Variants in IL1RAPL2 observed in about 807,000 individuals in gnomAD.
The protein encoded by IL1RAPL2 is X-linked interleukin-1 receptor accessory protein-like 2.
IL1RAPL2 carries 3 observed loss-of-function variants against 44.1 expected under a neutral mutation model. The observed-to-expected ratio is 0.07, with a 90% CI of 0.03 to 0.18. The LOEUF (loss-of-function observed/expected upper bound fraction) is 0.18, where lower values mean the gene tolerates loss of function less well. Among genes scored for constraint, IL1RAPL2 ranks in the 10% least tolerant of loss-of-function variants. The pLI is 1.00. For missense variants in IL1RAPL2, 391 were observed against 496.4 expected (o/e 0.79, Z 2.02); for synonymous variants, 181 against 178.8 (o/e 1.01, Z -0.10).
At chrX:105,596,678 GCATAACTA>G (rs2037212885) in intron 6 of IL1RAPL2, among the ~76,000 whole-genome samples, 1 of 111,621 alleles carries the variant, frequency 9.0e-6, no homozygotes, top group Admixed American at 9.6e-5. Flanking sequence ...GGTTCATTTG[GCATAACTA>G]CATAACTAAT....
chrX:105,639,254 T>C (rs2037546999), intron 6 of IL1RAPL2, among the ~76,000 whole-genome samples: 1 of 111,776 alleles, frequency 8.9e-6, no homozygotes, highest in Non-Finnish European at 1.9e-5. Context: ...ATTTATTTCT[T>C]AAATTGATCT....
intron 2 of IL1RAPL2, among the ~76,000 whole-genome samples, chrX:104,834,468 C>T: frequency 9.0e-6 from 1 of 111,399 alleles, no homozygotes; most frequent in African/African-American, 3.3e-5. Context: ...ATTCCCTGAA[C>T]ACCCACTACA....
chrX:104,861,158 A>T (rs1209758123), intron 2 of IL1RAPL2, among the ~76,000 whole-genome samples: 1 of 112,065 alleles, frequency 8.9e-6, no homozygotes, highest in Non-Finnish European at 1.9e-5. Context: ...CAGCATTCTG[A>T]CTGGAAAAGG....
chrX:104,873,919 T>C (rs1295104978), intron 2 of IL1RAPL2, among the ~76,000 whole-genome samples: 1 of 111,342 alleles, frequency 9.0e-6, no homozygotes, highest in African/African-American at 3.3e-5. Context: ...CTCTTAGCAA[T>C]TCTTCATTGA....
chrX:105,570,287 G>A (rs1160912558), intron 6 of IL1RAPL2, among the ~76,000 whole-genome samples: 2 of 111,911 alleles, frequency 1.8e-5, no homozygotes, highest in African/African-American at 6.5e-5. Context: ...GGCTGCAAAG[G>A]CCATTATTTT....
chrX:104,687,041 AG>A (rs749720219), intron 2 of IL1RAPL2, among the ~76,000 whole-genome samples: 9 of 112,146 alleles, frequency 8.0e-5, no homozygotes, highest in Non-Finnish European at 1.7e-4. Flanking sequence ...GGTCAAAAAA[AG>A]CTCTAGAGCA....
At chrX:104,765,446 T>C (rs1405753361) in intron 2 of IL1RAPL2, among the ~76,000 whole-genome samples, 1 of 112,171 alleles carries the variant, frequency 8.9e-6, no homozygotes, top group Non-Finnish European at 1.9e-5. Flanking sequence ...TTCTAAAATG[T>C]TCCACTTTGT....
chrX:105,754,743 G>A (rs919142863), intron 9 of IL1RAPL2, among the ~76,000 whole-genome samples: 1 of 112,126 alleles, frequency 8.9e-6, no homozygotes, highest in African/African-American at 3.2e-5. Flanking sequence ...ACACTCTAGG[G>A]CCCAGCCCCT....
chrX:105,674,600 A>T, intron 6 of IL1RAPL2, among the ~76,000 whole-genome samples: 1 of 111,983 alleles, frequency 8.9e-6, no homozygotes, highest in Admixed American at 9.5e-5. Flanking sequence ...TGGTAGCATG[A>T]TGCCTCCAGC....
At chrX:104,798,205 T>C (rs1197676491) in intron 2 of IL1RAPL2, among the ~76,000 whole-genome samples, 2 of 111,685 alleles carry the variant, frequency 1.8e-5, no homozygotes, top group Non-Finnish European at 3.8e-5. Flanking sequence ...ATGTATCAGC[T>C]AAGACTCTAA....
rs372109579 is a variant in IL1RAPL2 at position 104,664,344 on chromosome X, G to A, written c.82+5349G>A. 7.2e-5 allele frequency among the ~76,000 whole-genome samples: 8 copies of A among 110,775 alleles called. No individual in the cohort carries two copies. In the East Asian group the frequency reaches 1.7e-3, roughly 24 times the overall value. ...CTGGGAAGCTCTCTCCTTTTACTGG[G>A]AGTTCCAGCCATTTTAAATGCCTTG... is the stretch of plus-strand genomic sequence containing the variant. On this transcript the variant is annotated intron_variant, in intron 2 of 10. Transcript: ENST00000372582.
At chrX:104,846,667 G>C (rs1922061689) in intron 2 of IL1RAPL2, among the ~76,000 whole-genome samples, 1 of 111,985 alleles carries the variant, frequency 8.9e-6, no homozygotes, top group Admixed American at 9.5e-5. Context: ...ACGTGTGCAT[G>C]TGTCTTTATA....
chrX:105,179,062 C>A (rs899694963), intron 2 of IL1RAPL2, among the ~76,000 whole-genome samples: 2 of 112,041 alleles, frequency 1.8e-5, no homozygotes, highest in East Asian at 2.8e-4. Flanking sequence ...GCCATAAATT[C>A]TTTGCCTAGA....
chrX:105,766,347 C>G (rs1381209655), intron 10 of IL1RAPL2, among the ~76,000 whole-genome samples: 20 of 111,073 alleles, frequency 1.8e-4, no homozygotes, highest in Non-Finnish European at 7.5e-5. Flanking sequence ...AATGGAGAAC[C>G]TAAGTTTGCA....
chrX:105,762,629 C>T (rs912594338), intron 10 of IL1RAPL2, among the ~76,000 whole-genome samples: 1 of 112,050 alleles, frequency 8.9e-6, no homozygotes, highest in Non-Finnish European at 1.9e-5. Context: ...GCTGTGGTTT[C>T]GCAGACTGGT....
intron 2 of IL1RAPL2, among the ~76,000 whole-genome samples, chrX:104,689,380 T>C (rs1931049672): frequency 9.0e-6 from 1 of 111,514 alleles, no homozygotes; most frequent in South Asian, 3.8e-4. Flanking sequence ...AGAGGGCTAG[T>C]GCAGGTAGAG....
chrX:105,610,938 A>G (rs1219350131), intron 6 of IL1RAPL2, among the ~76,000 whole-genome samples: 1 of 111,704 alleles, frequency 9.0e-6, no homozygotes, highest in East Asian at 2.8e-4. Flanking sequence ...ATAAGAAGGC[A>G]TTGTTATCAT....
intron 5 of IL1RAPL2, among the ~76,000 whole-genome samples, chrX:105,376,763 G>C (rs1166078685): frequency 3.6e-5 from 4 of 111,545 alleles, no homozygotes; most frequent in African/African-American, 1.3e-4. Context: ...TGGTCTAATT[G>C]TCCTTTTTAA....
chrX:105,679,698 A>G (rs1259953108), intron 6 of IL1RAPL2, among the ~76,000 whole-genome samples: 1 of 112,054 alleles, frequency 8.9e-6, no homozygotes, highest in Non-Finnish European at 1.9e-5. Context: ...GCTAGAGATG[A>G]TGTATCATTT....
Sources: gnomAD v4.1 joint callset for allele counts (sites outside exome capture counted in the v4.1 genomes callset) on GRCh38, gnomAD v4.1.1 for gene constraint, MANE v1.5 for transcripts, NCBI Gene and HGNC (gene_info 2026-07-23, HGNC 2026-07-21) for gene names.